The following BACH2 variants were observed in gnomAD, a reference collection of about 807,000 sequenced individuals.
BACH2 encodes the protein transcription regulator protein BACH2.
Under a neutral mutation model 61.8 loss-of-function variants are expected in BACH2, and 5 were observed. That is an observed-to-expected ratio of 0.08 (90% CI 0.04 to 0.17). The LOEUF (loss-of-function observed/expected upper bound fraction) is 0.17. Ranked by LOEUF, BACH2 falls within the 10% of genes least tolerant of loss-of-function variation. The pLI, the probability that BACH2 is intolerant of heterozygous loss-of-function variation, is 1.00. For missense variants in BACH2, 824 were observed against 1,091.1 expected (o/e 0.76, Z 3.45); for synonymous variants, 446 against 440.1 (o/e 1.01, Z -0.17).
chr6:90,276,331 G>C (rs895929547), intron 1 of BACH2, among the ~76,000 whole-genome samples: 5 of 152,164 alleles, frequency 3.3e-5, no homozygotes, highest in Non-Finnish European at 7.3e-5. Flanking sequence ...TCCTGAATGA[G>C]AGCACAGAAA....
intron 2 of BACH2, among the ~76,000 whole-genome samples, chr6:90,271,330 A>T (rs1294859675): frequency 6.6e-6 from 1 of 151,300 alleles, no homozygotes; most frequent in Non-Finnish European, 1.5e-5. Context: ...AGAATCTACA[A>T]GGAACTCAAA....
chr6:90,187,273 G>A (rs1003822685), intron 4 of BACH2, among the ~76,000 whole-genome samples: 2 of 152,140 alleles, frequency 1.3e-5, no homozygotes, highest in African/African-American at 2.4e-5. Flanking sequence ...CCCCCTAAAC[G>A]GAAGTATCTG....
At chr6:90,282,805 T>C (rs760207888) in intron 1 of BACH2, among the ~76,000 whole-genome samples, 7 of 151,992 alleles carry the variant, frequency 4.6e-5, no homozygotes, top group Non-Finnish European at 7.4e-5. Flanking sequence ...CTTGCCAGCA[T>C]CAATTATTTT....
intron 3 of BACH2, among the ~76,000 whole-genome samples, chr6:90,219,633 C>T (rs1178909268): frequency 6.6e-6 from 1 of 152,204 alleles, no homozygotes; most frequent in Non-Finnish European, 1.5e-5. Context: ...TCCGCGGAAT[C>T]TGTACAAGTC....
intron 4 of BACH2, among the ~76,000 whole-genome samples, chr6:90,101,490 G>C (rs1782625365): frequency 6.6e-6 from 1 of 152,158 alleles, no homozygotes; most frequent in Non-Finnish European, 1.5e-5. Flanking sequence ...ATGTTGAAAA[G>C]ACTGTTCTTT....
intron 5 of BACH2, among the ~76,000 whole-genome samples, chr6:90,056,902 T>C (rs1052255627): frequency 5.9e-5 from 9 of 152,072 alleles, no homozygotes; most frequent in African/African-American, 1.9e-4. Context: ...AAGGCAGAAA[T>C]AAAGATGTTC....
chr6:89,976,932 G>A (rs1040294022), intron 6 of BACH2, among the ~76,000 whole-genome samples: 7 of 152,092 alleles, frequency 4.6e-5, no homozygotes, highest in Admixed American at 2.6e-4. Flanking sequence ...ACCAGAAAAA[G>A]GTCTGCTCGC....
At chr6:90,078,523 T>C (rs1411019017) in intron 5 of BACH2, among the ~76,000 whole-genome samples, 3 of 152,318 alleles carry the variant, frequency 2.0e-5, no homozygotes, top group Middle Eastern at 3.4e-3. Context: ...GAGGCTGATC[T>C]TTTGTCCATT....
intron 3 of BACH2, among the ~76,000 whole-genome samples, chr6:90,239,919 G>C (rs1374141143): frequency 6.6e-6 from 1 of 150,950 alleles, no homozygotes; most frequent in Non-Finnish European, 1.5e-5. Context: ...TAGCCAAACA[G>C]TAGGAAAAAC....
chr6:90,295,868 T>C (rs1772346006), intron 1 of BACH2, among the ~76,000 whole-genome samples: 1 of 152,210 alleles, frequency 6.6e-6, no homozygotes, highest in Non-Finnish European at 1.5e-5. Flanking sequence ...GACCCTAAAC[T>C]TGGGCTTTGA....
At chr6:90,043,675 C>A (rs773818007) in intron 5 of BACH2, among the ~76,000 whole-genome samples, 2 of 152,232 alleles carry the variant, frequency 1.3e-5, no homozygotes, top group Non-Finnish European at 2.9e-5. Flanking sequence ...CCTATCACAG[C>A]TCCATGCTGT....
intron 5 of BACH2, among the ~76,000 whole-genome samples, chr6:90,033,699 G>C (rs564721928): frequency 1.0e-3 from 154 of 151,848 alleles, no homozygotes; most frequent in Non-Finnish European, 1.8e-3. Context: ...ATGCTCACCT[G>C]TTAAAAAAAA....
chr6:90,215,804 T>C (rs567437260), intron 3 of BACH2, among the ~76,000 whole-genome samples: 5 of 152,070 alleles, frequency 3.3e-5, no homozygotes, highest in African/African-American at 9.6e-5. Flanking sequence ...CCATTGGGGG[T>C]AGAAAGTGCT....
intron 2 of BACH2, among the ~76,000 whole-genome samples, chr6:90,268,302 G>A (rs760130072): frequency 3.3e-5 from 5 of 151,990 alleles, no homozygotes; most frequent in African/African-American, 9.7e-5. Flanking sequence ...CACTGTACCC[G>A]AACTGCACTT....
At chr6:90,279,320 T>C (rs1393586949) in intron 1 of BACH2, among the ~76,000 whole-genome samples, 2 of 151,894 alleles carry the variant, frequency 1.3e-5, no homozygotes, top group Admixed American at 6.6e-5. Context: ...ATCAGGAGTT[T>C]CAGACCAGCC....
intron 5 of BACH2, among the ~76,000 whole-genome samples, chr6:90,047,168 C>T (rs372258494): frequency 6.6e-6 from 1 of 152,206 alleles, no homozygotes; most frequent in Admixed American, 6.5e-5. Context: ...GTGATCTGCC[C>T]GCCTTGGCCT....
intron 3 of BACH2, among the ~76,000 whole-genome samples, chr6:90,228,267 T>G (rs1769980387): frequency 1.3e-5 from 2 of 152,230 alleles, no homozygotes; most frequent in African/African-American, 4.8e-5. Context: ...ACTATCTATC[T>G]GTAAGACGCT....
intron 4 of BACH2, among the ~76,000 whole-genome samples, chr6:90,201,097 T>G (rs1233381094): frequency 6.6e-6 from 1 of 152,222 alleles, no homozygotes; most frequent in Admixed American, 6.5e-5. Context: ...GGCATTTTTA[T>G]TATATGGCTG....
chr6:90,163,531 A>G (rs768873825), intron 4 of BACH2, among the ~76,000 whole-genome samples: 1 of 152,122 alleles, frequency 6.6e-6, no homozygotes, highest in South Asian at 2.1e-4. Context: ...CTAAGCCCTG[A>G]TTTTTCAAAA....
Sources: gnomAD v4.1 joint callset for allele counts (sites outside exome capture counted in the v4.1 genomes callset) on GRCh38, gnomAD v4.1.1 for gene constraint, MANE v1.5 for transcripts, NCBI Gene and HGNC (gene_info 2026-07-23, HGNC 2026-07-21) for gene names.